The following PDZD8 variants were observed in gnomAD, a reference collection of about 807,000 sequenced individuals.
PDZD8 encodes PDZ domain containing 8, also known as PDZ domain-containing protein 8.
In PDZD8, 14 loss-of-function variants were observed where a neutral mutation model predicts 85.8. That is an observed-to-expected ratio of 0.16 (90% CI 0.11 to 0.26). The LOEUF (loss-of-function observed/expected upper bound fraction) is 0.26. Ranked by LOEUF, PDZD8 falls within the 10% of genes least tolerant of loss-of-function variation. The probability of loss-of-function intolerance (pLI) is 1.00; values close to 1 mark genes in which losing one functional copy is unlikely to be tolerated. For synonymous variants in PDZD8, 592 were observed against 568.6 expected (o/e 1.04, Z -0.59); for missense variants, 1,197 against 1,424.3 (o/e 0.84, Z 2.57).
intron 1 of PDZD8, among the ~76,000 whole-genome samples, chr10:117,362,856 C>T (rs1357626833): frequency 6.7e-6 from 1 of 149,792 alleles, no homozygotes; most frequent in Non-Finnish European, 1.5e-5. Flanking sequence ...ACCTACCACT[C>T]CAGCATTAGT....
At chr10:117,349,270 G>C (rs900520525) in intron 1 of PDZD8, among the ~76,000 whole-genome samples, 1 of 152,160 alleles carries the variant, frequency 6.6e-6, no homozygotes, top group Non-Finnish European at 1.5e-5. Flanking sequence ...AAATAAATAG[G>C]AGAGGCAGAA....
intron 3 of PDZD8, among the ~76,000 whole-genome samples, chr10:117,299,721 CTATT>C (rs1387193250): frequency 6.6e-6 from 1 of 151,884 alleles, no homozygotes; most frequent in Middle Eastern, 3.2e-3. Context: ...CATCCATATC[CTATT>C]TTTTTTCTAA....
chr10:117,285,005 T>C lies in PDZD8; in HGVS notation c.1728A>G (p.Ala576=). Residue 576 remains alanine, a synonymous_variant, in exon 5 of 5, where the codon GCA becomes GCG. Coordinates refer to ENST00000334464, the MANE Select transcript of PDZD8 (RefSeq NM_173791.5). The stretch of plus-strand genomic sequence containing the variant: ...ATCCTTGGGTTGGTTTTGACACTTG[T>C]GCTGGGTCTGTTATCTCAGAAGTTT... ...PLKTSEITDP[A]QVSKPTQGSA... The C allele has an allele frequency of 5.0e-6, 8 of 1,614,108 alleles. No homozygotes were observed. The highest frequency in any genetic ancestry group is 6.8e-6 in the Non-Finnish European group (8 of 1,180,004).
At chr10:117,364,621 C>A (rs1021890798) in intron 1 of PDZD8, among the ~76,000 whole-genome samples, 9 of 152,046 alleles carry the variant, frequency 5.9e-5, no homozygotes, top group African/African-American at 2.2e-4. Context: ...GGAGTGAGCT[C>A]TTTGGCTATC....
At chr10:117,294,876 G>A (rs1843728882) in intron 3 of PDZD8, among the ~76,000 whole-genome samples, 1 of 152,140 alleles carries the variant, frequency 6.6e-6, no homozygotes. Flanking sequence ...GGAGTGGGGA[G>A]ATCAGAAGTG....
chr10:117,319,750 A>G (rs571391665), intron 2 of PDZD8, among the ~76,000 whole-genome samples: 2 of 152,232 alleles, frequency 1.3e-5, no homozygotes, highest in African/African-American at 4.8e-5. Context: ...ATTGCTGAAG[A>G]AAAAAGGTTA....
intron 2 of PDZD8, among the ~76,000 whole-genome samples, chr10:117,340,235 T>A (rs1031118699): frequency 6.6e-6 from 1 of 152,218 alleles, no homozygotes. Flanking sequence ...CAAAACCGTT[T>A]TGATAGGTGA....
chr10:117,321,602 T>C (rs1844226025), intron 2 of PDZD8, among the ~76,000 whole-genome samples: 1 of 152,152 alleles, frequency 6.6e-6, no homozygotes, highest in South Asian at 2.1e-4. Context: ...TAAAAATCAG[T>C]TACTTGTATA....
chr10:117,284,251 C>T lies in PDZD8; in HGVS notation c.2482G>A (p.Glu828Lys), dbSNP rs370103103. Reference sequence around the variant, plus strand: ...AAACCCATCTGTCCAACAAATTGCTCCTCTTTAGGGAGAACAGAAACTTCT... The same window carrying T: ...AAACCCATCTGTCCAACAAATTGCTTCTCTTTAGGGAGAACAGAAACTTCT... ...VEEVSVLPKE[E>K]QFVGQMGLTE... The change falls in exon 5 of 5, where the codon GAG becomes AAG. Residue 828 changes from glutamate (E) to lysine (K), a missense_variant. Glu to Lys is a moderately conservative substitution (Grantham distance 56, BLOSUM62 1). Transcript: ENST00000334464. 5.0e-6 allele frequency: 8 copies of T among 1,614,168 alleles called. No individual in the cohort carries two copies. Among genetic ancestry groups the T allele is most frequent in the Non-Finnish European group, 6.8e-6 (8 of 1,180,024 alleles).
chr10:117,306,956 T>C (rs1843954027), intron 3 of PDZD8, among the ~76,000 whole-genome samples: 1 of 152,140 alleles, frequency 6.6e-6, no homozygotes, highest in Admixed American at 6.5e-5. Flanking sequence ...AAAGCTAACA[T>C]TGGGATAATA....
rs1427904296 is a variant in PDZD8 at position 117,375,080 on chromosome 10, G to A, written c.148C>T (p.Pro50Ser). Residue 50 changes from proline (P) to serine (S), a missense_variant, in exon 1 of 5, where the codon CCA (proline) becomes TCA (serine). By Grantham distance (74) the Pro-to-Ser change is moderately conservative (BLOSUM62 -1). Transcript: ENST00000334464. ...RAGEGFRYIK[P>S]VPGLLLREYL... ...TCCCTTAGGAGCAGGCCCGGCACTGGCTTGATGTAGCGGAAGCCCTCGCCC... is the reference window on the plus strand; with the variant it reads ...TCCCTTAGGAGCAGGCCCGGCACTGACTTGATGTAGCGGAAGCCCTCGCCC... 6.9e-6 allele frequency: 11 copies of A among 1,600,280 alleles called. No homozygotes were observed. The highest frequency in any genetic ancestry group is 8.5e-6 in the Non-Finnish European group (10 of 1,177,270).
At position 117,284,048 on chromosome 10, in the gene PDZD8, A is replaced by G; in HGVS notation, c.2685T>C (p.Asp895=). The part of the protein sequence containing the change: ...LAETSVCGAT[D]RRIDRTLKNL... ...TTTTCAGTGTCCTGTCTATTCGCCT[A>G]TCAGTTGCTCCACAAACAGAAGTCT... is the stretch of plus-strand genomic sequence containing the variant. Residue 895 remains aspartate (D), a synonymous_variant, in exon 5 of 5, where the codon GAT becomes GAC. Coordinates refer to ENST00000334464, the MANE Select transcript of PDZD8 (RefSeq NM_173791.5). 2 of 1,614,150 alleles carry G rather than the reference A, an allele frequency of 1.2e-6. No individual in the cohort carries two copies. The highest frequency in any genetic ancestry group is 1.7e-6 in the Non-Finnish European group (2 of 1,180,030).
At chr10:117,288,763 CT>C (rs1333229662) in intron 4 of PDZD8, among the ~76,000 whole-genome samples, 2 of 152,200 alleles carry the variant, frequency 1.3e-5, no homozygotes, top group Non-Finnish European at 2.9e-5. Context: ...CCGCCTCGGC[CT>C]CCCAAAGTGC....
rs1000825214 is a variant in PDZD8, at chr10:117,278,952, C to G, written c.*4316G>C. On this transcript the variant is annotated 3_prime_UTR_variant, in exon 5 of 5. Coordinates refer to ENST00000334464, the MANE Select transcript of PDZD8 (RefSeq NM_173791.5). ...ACAGGGGTAGAGCCTTAAAAAAGAA[C>G]GTGCTACAAATTGGTTCTCTTTGAG... is the stretch of plus-strand genomic sequence containing the variant. 1 of 152,122 alleles carries G rather than the reference C, an allele frequency of 6.6e-6. No individual in the cohort carries two copies. Among genetic ancestry groups the G allele is most frequent in the African/African-American group, 2.4e-5 (1 of 41,418 alleles). 9.4% of individuals were successfully genotyped at this position (152,122 alleles called of 1,614,324 possible).
chr10:117,370,247 T>C (rs1845165379), intron 1 of PDZD8, among the ~76,000 whole-genome samples: 1 of 152,246 alleles, frequency 6.6e-6, no homozygotes. Context: ...TAAAATGTTT[T>C]ACAAACATTG....
intron 3 of PDZD8, among the ~76,000 whole-genome samples, chr10:117,305,467 C>A (rs553127813): frequency 0.032 from 3,352 of 105,418 alleles, 119 homozygotes; most frequent in African/African-American, 0.1. Flanking sequence ...TATATACACA[C>A]ACATACACAC....
At chr10:117,334,376 T>C (rs1486871300) in intron 2 of PDZD8, among the ~76,000 whole-genome samples, 1 of 152,044 alleles carries the variant, frequency 6.6e-6, no homozygotes, top group Non-Finnish European at 1.5e-5. Flanking sequence ...GATGTTGGTG[T>C]CACATGCCTG....
At chr10:117,321,684 C>T (rs559542085) in intron 2 of PDZD8, among the ~76,000 whole-genome samples, 56 of 151,520 alleles carry the variant, frequency 3.7e-4, no homozygotes, top group African/African-American at 1.2e-3. Flanking sequence ...AATAAGTAAG[C>T]GTAACAATAA....
chr10:117,332,166 T>C (rs1844429202), intron 2 of PDZD8, among the ~76,000 whole-genome samples: 1 of 152,196 alleles, frequency 6.6e-6, no homozygotes, highest in South Asian at 2.1e-4. Flanking sequence ...GGAATAATAT[T>C]CAGCAACAAT....
Sources: gnomAD v4.1 joint callset for allele counts (sites outside exome capture counted in the v4.1 genomes callset) on GRCh38, gnomAD v4.1.1 for gene constraint, MANE v1.5 for transcripts, NCBI Gene and HGNC (gene_info 2026-07-23, HGNC 2026-07-21) for gene names.